Variants in ACYP2 observed in about 807,000 individuals in gnomAD.
ACYP2 encodes the protein acylphosphatase-2.
A neutral mutation model predicts 11.2 loss-of-function variants in ACYP2; 12 were observed. That is an observed-to-expected ratio of 1.08 (90% CI 0.69 to 1.74). ACYP2 has a LOEUF of 1.74. ACYP2 is among the 40% of genes most tolerant of loss of function. ACYP2 has a pLI of 0.00. For missense variants in ACYP2, 134 were observed against 101.9 expected, an observed-to-expected ratio of 1.31 and a Z score of -1.35; for synonymous variants, 43 against 32.2, an observed-to-expected ratio of 1.33 and a Z score of -1.13.
rs991762694 is a variant in ACYP2, at chr2:54,289,760, T to TA, written c.405-14918dup. On this transcript the variant is annotated intron_variant, in intron 6 of 6. Transcript: ENST00000607452. The stretch of plus-strand genomic sequence containing the variant: ...ATGAACTGAGTCACATAGGAGAATC[T>TA]AAAAAAAAAATCCTGGGAGGTTCAA... 1.3e-3 allele frequency among the ~76,000 whole-genome samples: 189 copies of TA among 149,310 alleles called. 3 individuals are homozygous for TA. The highest frequency in any genetic ancestry group is 4.1e-3 in the African/African-American group (166 of 40,608).
chr2:54,273,729 G>A (rs894470792), intron 6 of ACYP2, among the ~76,000 whole-genome samples: 5 of 152,178 alleles, frequency 3.3e-5, no homozygotes, highest in African/African-American at 1.2e-4. Flanking sequence ...ACCTGCCAGT[G>A]TTGGGATTAC....
intron 4 of ACYP2, among the ~76,000 whole-genome samples, chr2:54,111,798 A>G (rs1273273315): frequency 3.9e-5 from 6 of 152,234 alleles, no homozygotes; most frequent in Non-Finnish European, 8.8e-5. Context: ...GGATAGAAAT[A>G]TGCCGATGGA....
At chr2:54,009,641 C>A (rs1277071748) in intron 2 of ACYP2, among the ~76,000 whole-genome samples, 1 of 151,882 alleles carries the variant, frequency 6.6e-6, no homozygotes, top group Non-Finnish European at 1.5e-5. Flanking sequence ...CAGTTAGAGT[C>A]AGGAAGAAAT....
chr2:54,022,311 A>C (rs961438044), intron 2 of ACYP2, among the ~76,000 whole-genome samples: 1 of 152,010 alleles, frequency 6.6e-6, no homozygotes, highest in African/African-American at 2.4e-5. Flanking sequence ...TGTTGTATTT[A>C]ATATTTTGGG....
chr2:54,197,244 C>A (rs1022623378), intron 6 of ACYP2, among the ~76,000 whole-genome samples: 6 of 152,082 alleles, frequency 3.9e-5, no homozygotes, highest in African/African-American at 1.4e-4. Context: ...TGAGAGCTAC[C>A]TCAGGGGTCA....
At chr2:54,195,446 CAA>C (rs1684422610) in intron 6 of ACYP2, among the ~76,000 whole-genome samples, 1 of 151,976 alleles carries the variant, frequency 6.6e-6, no homozygotes, top group African/African-American at 2.4e-5. Context: ...CTAGCTGAAA[CAA>C]AAGAGAGGGT....
At chr2:53,976,166 A>G (rs926970642) in intron 2 of ACYP2, among the ~76,000 whole-genome samples, 1 of 152,204 alleles carries the variant, frequency 6.6e-6, no homozygotes, top group Non-Finnish European at 1.5e-5. Context: ...ACTTGGGGCT[A>G]GAGATATATT....
chr2:54,029,917 A>G, intron 2 of ACYP2: 1 of 276,028 alleles, frequency 3.6e-6, no homozygotes, highest in Non-Finnish European at 6.8e-6. Flanking sequence ...AGGCCCGCCA[A>G]TAATGAGAAG....
rs771160196 is a variant in ACYP2, at chr2:54,115,598, G to C, written c.278-19855G>C. On this transcript the variant is annotated intron_variant, in intron 4 of 6. Transcript: ENST00000607452. ...GTCCGGGACCGGTGACAGGCGCGGG[G>C]TGCGCCAAGCAGTCCCATGTGTCCC... 1.9e-5 allele frequency: 29 copies of C among 1,547,220 alleles called. No individual in the cohort carries two copies. The highest frequency in any genetic ancestry group is 2.5e-5 in the Non-Finnish European group (29 of 1,145,800).
chr2:54,221,971 A>C (rs1395260261), intron 6 of ACYP2, among the ~76,000 whole-genome samples: 2 of 152,186 alleles, frequency 1.3e-5, no homozygotes, highest in Non-Finnish European at 2.9e-5. Context: ...CTGGCCACAC[A>C]AGTGTTTGGC....
intron 2 of ACYP2, among the ~76,000 whole-genome samples, chr2:53,980,792 C>G (rs1005618293): frequency 6.6e-6 from 1 of 151,682 alleles, no homozygotes; most frequent in Non-Finnish European, 1.5e-5. Context: ...CACTCTGTTG[C>G]CCAGGTTGGA....
rs1689866431 is a variant in ACYP2 at position 54,305,040 on chromosome 2, CATTTA to C, written c.*245_*249del. On this transcript the variant is annotated 3_prime_UTR_variant, in exon 7 of 7. Coordinates refer to ENST00000607452, the MANE Select transcript of ACYP2 (RefSeq NM_001320586.2). Reference sequence around the variant, plus strand: ...GTCATTACAAAATATTTAGTGTGAACATTTAATTTAAACTTGTCTCATGGAATCTT... The same window carrying C: ...GTCATTACAAAATATTTAGTGTGAACATTTAAACTTGTCTCATGGAATCTT... 1 of 295,968 alleles carries C rather than the reference CATTTA, an allele frequency of 3.4e-6. No homozygotes were observed. The highest frequency in any genetic ancestry group is 6.2e-6 in the Non-Finnish European group (1 of 161,168). 18.3% of individuals were successfully genotyped at this position (295,968 alleles called of 1,614,324 possible).
chr2:54,116,716 G>A (rs766919727), intron 4 of ACYP2, among the ~76,000 whole-genome samples: 7 of 152,226 alleles, frequency 4.6e-5, no homozygotes, highest in Non-Finnish European at 8.8e-5. Context: ...AGAAGGGTGC[G>A]ACTCGCGGAT....
chr2:54,201,644 T>TTGTTTC (rs1463195479), intron 6 of ACYP2, among the ~76,000 whole-genome samples: 1 of 88,050 alleles, frequency 1.1e-5, no homozygotes, highest in African/African-American at 4.5e-5. Flanking sequence ...TTCTCTTTCT[T>TTGTTTC]TCTTTCTTTC....
At chr2:54,270,842 A>G (rs1688265151) in intron 6 of ACYP2, among the ~76,000 whole-genome samples, 1 of 152,208 alleles carries the variant, frequency 6.6e-6, no homozygotes, top group Admixed American at 6.5e-5. Context: ...TGGAATTTCA[A>G]TATTTAACAA....
At chr2:54,256,063 C>T (rs1421567719) in intron 6 of ACYP2, 3 of 1,614,060 alleles carry the variant, frequency 1.9e-6, no homozygotes, top group African/African-American at 2.7e-5. Context: ...TGTCGCCTTG[C>T]TCTTTTCTCG....
intron 6 of ACYP2, among the ~76,000 whole-genome samples, chr2:54,208,926 A>G (rs1685210825): frequency 6.6e-6 from 1 of 151,768 alleles, no homozygotes. Context: ...ATTGGATTTT[A>G]CTTTGATTTC....
intron 4 of ACYP2, among the ~76,000 whole-genome samples, chr2:54,107,132 G>A (rs1679209505): frequency 6.6e-6 from 1 of 152,138 alleles, no homozygotes; most frequent in Admixed American, 6.5e-5. Context: ...TGGGTAGATG[G>A]TAGGTGGCAG....
chr2:54,249,460 T>C (rs1354632691), intron 6 of ACYP2, among the ~76,000 whole-genome samples: 4 of 150,486 alleles, frequency 2.7e-5, no homozygotes, highest in Non-Finnish European at 4.4e-5. Flanking sequence ...AGAGTCCTTA[T>C]TTCAAAGGTG....
Sources: gnomAD v4.1 joint callset for allele counts (sites outside exome capture counted in the v4.1 genomes callset) on GRCh38, gnomAD v4.1.1 for gene constraint, MANE v1.5 for transcripts, NCBI Gene and HGNC (gene_info 2026-07-23, HGNC 2026-07-21) for gene names.